The following GAS5 variants were observed in gnomAD, a reference collection of about 807,000 sequenced individuals.
The protein encoded by GAS5 is growth arrest specific 5 (non-protein coding).
chr1:173,867,909 C>A, upstream of GAS5: 1 of 382,068 alleles, frequency 2.6e-6, no homozygotes, highest in South Asian at 1.9e-5. Context: ...CCTTAGCAGA[C>A]AAAGGCTGGA....
At chr1:173,864,259 T>C in exon 7 of GAS5, 1 of 513,790 alleles carries the variant, frequency 1.9e-6, no homozygotes, top group Non-Finnish European at 3.9e-6. Context: ...ATCCTCACCT[T>C]TCAAGCAGTA....
At chr1:173,864,861 T>TGCTC (rs1450534901) in intron 6 of GAS5, 1 of 519,208 alleles carries the variant, frequency 1.9e-6, no homozygotes, top group East Asian at 5.4e-5. Context: ...GACTTAATAT[T>TGCTC]GCTCATCAGC....
chr1:173,866,402 T>C (rs1390814481), intron 3 of GAS5: 1 of 556,468 alleles, frequency 1.8e-6, no homozygotes, highest in East Asian at 4.6e-5. Context: ...TTAAACTTAG[T>C]ATCAATATGA....
intron 6 of GAS5, chr1:173,865,076 G>A (rs1309230810): frequency 2.8e-6 from 1 of 351,546 alleles, no homozygotes; most frequent in Non-Finnish European, 5.6e-6. Context: ...TCACATGCCT[G>A]TAATCCCAGC....
intron 6 of GAS5, chr1:173,864,950 G>A (rs1266675990): frequency 1.9e-6 from 1 of 513,248 alleles, no homozygotes; most frequent in African/African-American, 1.9e-5. Context: ...GGGGCATGGT[G>A]GCTCACGCCT....
At chr1:173,864,574 T>G (rs1654261864) in intron 6 of GAS5, 1 of 381,002 alleles carries the variant, frequency 2.6e-6, no homozygotes, top group African/African-American at 2.1e-5. Context: ...CAGTCACATT[T>G]TAACTTTTAA....
upstream of GAS5, chr1:173,867,238 G>A (rs1371936046): frequency 2.1e-5 from 11 of 526,976 alleles, no homozygotes; most frequent in Non-Finnish European, 3.7e-5. Flanking sequence ...ACCGATGGCG[G>A]CCGGGCGCGG....
upstream of GAS5, chr1:173,867,322 C>T: frequency 9.3e-6 from 4 of 431,086 alleles, no homozygotes; most frequent in East Asian, 1.3e-4. Flanking sequence ...GAGTTCAAGA[C>T]CAGTCTCGCC....
At chr1:173,867,448 G>A (rs1453296844), upstream of GAS5, 1 of 357,994 alleles carries the variant, frequency 2.8e-6, no homozygotes, top group Admixed American at 3.7e-5. Flanking sequence ...GGACGCGGAG[G>A]TTGCCATTAA....
At chr1:173,867,250 G>A (rs1654883579), upstream of GAS5, 4 of 518,992 alleles carry the variant, frequency 7.7e-6, no homozygotes, top group South Asian at 1.1e-4. Flanking sequence ...CGGGCGCGGT[G>A]GCTCACGGCT....
intron 6 of GAS5, chr1:173,864,886 CTA>C (rs748746782): frequency 1.3e-5 from 7 of 519,032 alleles, no homozygotes; most frequent in South Asian, 2.8e-5. Flanking sequence ...GTCTGCTGAA[CTA>C]TGTTATCATC....
chr1:173,867,968 A>C (rs569483191), upstream of GAS5: 8 of 338,712 alleles, frequency 2.4e-5, no homozygotes, highest in Admixed American at 7.5e-5. Context: ...ACCTCACAGG[A>C]GTCGACTCCT....
chr1:173,865,007 G>A (rs1167629916), intron 6 of GAS5: 1 of 460,602 alleles, frequency 2.2e-6, no homozygotes, highest in African/African-American at 2.0e-5. Flanking sequence ...ATCACTTGAG[G>A]TCAAGAGTTC....
At chr1:173,863,974 C>G (rs186249529) in intron 7 of GAS5, 1 of 316,948 alleles carries the variant, frequency 3.2e-6, no homozygotes, top group Non-Finnish European at 6.4e-6. Flanking sequence ...ATCAGGCAGT[C>G]TACAAAGACC....
upstream of GAS5, chr1:173,867,123 G>A (rs1654846762): frequency 1.3e-5 from 8 of 605,262 alleles, no homozygotes; most frequent in Admixed American, 3.0e-5. Flanking sequence ...AAAACGGTTC[G>A]TCTTTTTAAA....
chr1:173,864,563 T>C, intron 6 of GAS5: 4 of 384,488 alleles, frequency 1.0e-5, no homozygotes, highest in Non-Finnish European at 2.0e-5. Context: ...AATTTCCTTC[T>C]CAGTCACATT....
At chr1:173,864,829 G>C (rs780140119) in intron 6 of GAS5, 2 of 519,008 alleles carry the variant, frequency 3.9e-6, no homozygotes, top group African/African-American at 3.8e-5. Context: ...GTTACCGCCA[G>C]ATACATCAGA....
upstream of GAS5, chr1:173,867,877 A>C: frequency 2.3e-6 from 1 of 428,766 alleles, no homozygotes; most frequent in East Asian, 6.6e-5. Flanking sequence ...CTGGCTTAGA[A>C]GTCCCAGTCA....
At chr1:173,864,760 CA>C in intron 6 of GAS5, 2 of 513,678 alleles carry the variant, frequency 3.9e-6, no homozygotes, top group South Asian at 1.4e-5. Flanking sequence ...AGGAGTAATC[CA>C]AAATCTCCAA....
Sources: gnomAD v4.1 joint callset for allele counts on GRCh38, gnomAD v4.1.1 for gene constraint, MANE v1.5 for transcripts, NCBI Gene and HGNC (gene_info 2026-07-23, HGNC 2026-07-21) for gene names.